ASB5: variants seen among roughly 807,000 people sequenced by gnomAD.
The protein encoded by ASB5 is ankyrin repeat and SOCS box protein 5.
A neutral mutation model predicts 42.1 loss-of-function variants in ASB5; 45 were observed. The ratio of observed to expected loss-of-function variants is 1.07; its 90% CI spans 0.84 to 1.37. The LOEUF (loss-of-function observed/expected upper bound fraction) is 1.37, where lower values mean the gene tolerates loss of function less well. ASB5 is among the 40% of genes most tolerant of loss of function. ASB5 has a pLI of 0.00. For missense variants in ASB5, 402 were observed against 399.8 expected (o/e 1.01, Z -0.05); for synonymous variants, 147 against 150.6 (o/e 0.98, Z 0.18).
chr4:176,216,595 C>T (rs560292262), intron 6 of ASB5, among the ~76,000 whole-genome samples: 2 of 152,248 alleles, frequency 1.3e-5, no homozygotes, highest in South Asian at 2.1e-4. Flanking sequence ...GTGATCCACC[C>T]GCCTTGGCCT....
intron 1 of ASB5, among the ~76,000 whole-genome samples, chr4:176,225,879 T>C (rs10014350): frequency 0.38 from 57,847 of 152,166 alleles, 11,293 homozygotes; most frequent in Non-Finnish European, 0.43. Flanking sequence ...CGTGAGCCAC[T>C]GCCCCCGGCT....
At chr4:176,245,819 ATTC>A (rs1319206325) in intron 1 of ASB5, among the ~76,000 whole-genome samples, 1 of 152,146 alleles carries the variant, frequency 6.6e-6, no homozygotes, top group Non-Finnish European at 1.5e-5. Context: ...AACACCGCAT[ATTC>A]TTATTCTTCG....
intron 2 of ASB5, among the ~76,000 whole-genome samples, chr4:176,224,102 C>A (rs148862271): frequency 9.9e-5 from 15 of 151,964 alleles, no homozygotes; most frequent in Non-Finnish European, 1.5e-4. Flanking sequence ...GAGACCCAGG[C>A]AATGCTTTTT....
At chr4:176,245,411 G>A (rs1175525953) in intron 1 of ASB5, among the ~76,000 whole-genome samples, 1 of 152,170 alleles carries the variant, frequency 6.6e-6, no homozygotes, top group Non-Finnish European at 1.5e-5. Context: ...GTGCTGGAGA[G>A]GATGTGGAGA....
At chr4:176,224,812 C>T (rs1753330341) in intron 2 of ASB5, among the ~76,000 whole-genome samples, 1 of 152,108 alleles carries the variant, frequency 6.6e-6, no homozygotes, top group South Asian at 2.1e-4. Context: ...AATGATTGTC[C>T]TGTAGCTTTG....
intron 1 of ASB5, among the ~76,000 whole-genome samples, chr4:176,254,139 G>A (rs556879293): frequency 9.2e-5 from 14 of 152,282 alleles, no homozygotes; most frequent in Admixed American, 2.6e-4. Flanking sequence ...CAAAGCCAGA[G>A]GCATCACATT....
Position 176,213,679 on chromosome 4 carries a change from T to G in ASB5, c.*1921A>C. On this transcript the variant is annotated 3_prime_UTR_variant, in exon 7 of 7. Transcript: ENST00000296525. ...ATGAGACAAACACAAAGTGTTTTATTCCAATGAATAATAATCACACTTTAA... is the reference window on the plus strand; with the variant it reads ...ATGAGACAAACACAAAGTGTTTTATGCCAATGAATAATAATCACACTTTAA... The G allele has an allele frequency of 6.6e-6, 1 of 152,122 alleles. No individual in the cohort carries two copies. The highest frequency in any genetic ancestry group is 1.5e-5 in the Non-Finnish European group (1 of 67,950). 9.4% of individuals were successfully genotyped at this position (152,122 alleles called of 1,614,324 possible).
intron 1 of ASB5, among the ~76,000 whole-genome samples, chr4:176,248,653 T>C (rs899188343): frequency 6.6e-6 from 1 of 152,188 alleles, no homozygotes; most frequent in Non-Finnish European, 1.5e-5. Context: ...GAATTTACAT[T>C]ATTGAGAATG....
chr4:176,219,381 T>G (rs187478902), intron 5 of ASB5, among the ~76,000 whole-genome samples: 193 of 55,836 alleles, frequency 3.5e-3, no homozygotes, highest in African/African-American at 0.011. Context: ...TTGTATGATA[T>G]ATAAATATAT....
chr4:176,218,817 TATATATGTATGATATATAA>T (rs1299117883), intron 5 of ASB5, among the ~76,000 whole-genome samples: 12 of 47,542 alleles, frequency 2.5e-4, no homozygotes, highest in African/African-American at 6.7e-4. Flanking sequence ...GATATATAAA[TATATATGTATGATATATAA>T]ATATATATTT....
At chr4:176,245,039 G>T (rs1211906062) in intron 1 of ASB5, among the ~76,000 whole-genome samples, 1 of 152,158 alleles carries the variant, frequency 6.6e-6, no homozygotes, top group Non-Finnish European at 1.5e-5. Context: ...GTCCCCTAAA[G>T]CCAGCTCTTC....
At chr4:176,239,025 C>CT (rs1753755292) in intron 1 of ASB5, among the ~76,000 whole-genome samples, 1 of 152,246 alleles carries the variant, frequency 6.6e-6, no homozygotes, top group East Asian at 1.9e-4. Context: ...AGTGCGTGAG[C>CT]TGTAGACATA....
At chr4:176,219,611 T>TCTCGGCTC (rs1753141686) in intron 5 of ASB5, among the ~76,000 whole-genome samples, 1 of 109,976 alleles carries the variant, frequency 9.1e-6, no homozygotes, top group African/African-American at 3.5e-5. Context: ...TATATATATA[T>TCTCGGCTC]ATATATAGGC....
At chr4:176,228,557 A>T (rs1753440995) in intron 1 of ASB5, among the ~76,000 whole-genome samples, 1 of 152,254 alleles carries the variant, frequency 6.6e-6, no homozygotes, top group South Asian at 2.1e-4. Context: ...TAGAAAAATT[A>T]GTAAGCCAGA....
Position 176,264,304 on chromosome 4 carries a change from G to C in ASB5, c.196+4609C>G, listed in dbSNP as rs992427544. Among the ~76,000 whole-genome samples, 4 of 152,140 alleles carry C rather than the reference G, an allele frequency of 2.6e-5. No individual in the cohort carries two copies. The East Asian group carries it at 5.8e-4, about 22-fold the overall frequency. On this transcript the variant is annotated intron_variant, in intron 1 of 6. Coordinates refer to ENST00000296525, the MANE Select transcript of ASB5 (RefSeq NM_080874.4). ...GCTCAGAAATCTGTCAGCAAAGCTG[G>C]AGTAAATTTACATCTCAGAAGTGGA...
chr4:176,214,714 T>C lies in ASB5; in HGVS notation c.*886A>G, dbSNP rs1266659748. ...ATTTTTTTATATCCTTGGACTGATGTGATGATCCCCGGAATATGATCCAGG... is the reference window on the plus strand; with the variant it reads ...ATTTTTTTATATCCTTGGACTGATGCGATGATCCCCGGAATATGATCCAGG... On this transcript the variant is annotated 3_prime_UTR_variant, in exon 7 of 7. Coordinates refer to ENST00000296525, the MANE Select transcript of ASB5 (RefSeq NM_080874.4). The C allele has an allele frequency of 6.6e-6, 1 of 152,150 alleles. No homozygotes were observed. Among genetic ancestry groups the C allele is most frequent in the African/African-American group, 2.4e-5 (1 of 41,444 alleles). 9.4% of individuals were successfully genotyped at this position (152,150 alleles called of 1,614,324 possible).
chr4:176,242,482 T>C (rs1480803091), intron 1 of ASB5, among the ~76,000 whole-genome samples: 2 of 152,222 alleles, frequency 1.3e-5, no homozygotes, highest in Non-Finnish European at 2.9e-5. Context: ...CTTAGATCAG[T>C]TGTGTTATTT....
At chr4:176,258,228 A>G (rs1754192665) in intron 1 of ASB5, among the ~76,000 whole-genome samples, 1 of 152,206 alleles carries the variant, frequency 6.6e-6, no homozygotes, top group Admixed American at 6.5e-5. Context: ...ATTTCTATGA[A>G]TCCGCTCAAG....
intron 1 of ASB5, among the ~76,000 whole-genome samples, chr4:176,253,385 T>C (rs760159276): frequency 6.6e-6 from 1 of 152,238 alleles, no homozygotes; most frequent in Non-Finnish European, 1.5e-5. Context: ...TTACCAAGTT[T>C]CAAACATAGC....
Sources: gnomAD v4.1 joint callset for allele counts (sites outside exome capture counted in the v4.1 genomes callset) on GRCh38, gnomAD v4.1.1 for gene constraint, MANE v1.5 for transcripts, NCBI Gene and HGNC (gene_info 2026-07-23, HGNC 2026-07-21) for gene names.